The following ASAP1 variants were observed in gnomAD, a reference collection of about 807,000 sequenced individuals.
The protein encoded by ASAP1 is ArfGAP with SH3 domain, ankyrin repeat and PH domain 1, also known as arf-GAP with SH3 domain, ANK repeat and PH domain-containing protein 1.
In ASAP1, 43 loss-of-function variants were observed where a neutral mutation model predicts 145.2. That is an observed-to-expected ratio of 0.30 (90% CI 0.23 to 0.38). ASAP1 has a LOEUF of 0.38. Among genes scored for constraint, ASAP1 ranks in the 10% least tolerant of loss-of-function variants. The pLI is 1.00. For synonymous variants in ASAP1, 546 were observed against 515.5 expected (o/e 1.06, Z -0.80); for missense variants, 1,018 against 1,355.3 (o/e 0.75, Z 3.91).
At chr8:130,418,578 A>C (rs775194791) in intron 1 of ASAP1, among the ~76,000 whole-genome samples, 7 of 151,660 alleles carry the variant, frequency 4.6e-5, no homozygotes, top group Non-Finnish European at 7.4e-5. Context: ...AAATAAAATA[A>C]AGTGTACAAT....
At chr8:130,330,816 C>T (rs1267393498) in intron 3 of ASAP1, among the ~76,000 whole-genome samples, 1 of 152,156 alleles carries the variant, frequency 6.6e-6, no homozygotes, top group Non-Finnish European at 1.5e-5. Flanking sequence ...CATTCTTAAA[C>T]CTATAAAAAT....
At chr8:130,172,716 G>T (rs1474996003) in intron 9 of ASAP1, among the ~76,000 whole-genome samples, 1 of 152,012 alleles carries the variant, frequency 6.6e-6, no homozygotes, top group Non-Finnish European at 1.5e-5. Context: ...TCTAGAAAAA[G>T]AATAAGCAAA....
At chr8:130,293,130 C>G (rs539987846) in intron 3 of ASAP1, among the ~76,000 whole-genome samples, 1 of 152,320 alleles carries the variant, frequency 6.6e-6, no homozygotes, top group African/African-American at 2.4e-5. Flanking sequence ...CAGAATTGCC[C>G]TTTCTTTTCC....
In ASAP1 at chr8:130,054,543, T is replaced by C. The variant is rs928898008; in HGVS notation, c.*188A>G. ...CAGTAAGGCGCGCCGGGTCCGAGGC[T>C]ACCCTCATACTGGTGAAGGCAGAAA... On this transcript the variant is annotated 3_prime_UTR_variant, in exon 30 of 30. Transcript: ENST00000518721. 8 of 535,746 alleles carry C rather than the reference T, an allele frequency of 1.5e-5. No individual in the cohort carries two copies. Among genetic ancestry groups the C allele is most frequent in the African/African-American group, 1.1e-4 (6 of 52,464 alleles). 33.2% of individuals were successfully genotyped at this position (535,746 alleles called of 1,614,324 possible).
intron 3 of ASAP1, among the ~76,000 whole-genome samples, chr8:130,278,401 ATGAC>A (rs1249014705): frequency 6.6e-6 from 1 of 152,192 alleles, no homozygotes; most frequent in Non-Finnish European, 1.5e-5. Flanking sequence ...AAAAGAAAAT[ATGAC>A]CCTACCTAAA....
chr8:130,288,924 T>G (rs1266785036), intron 3 of ASAP1, among the ~76,000 whole-genome samples: 1 of 152,186 alleles, frequency 6.6e-6, no homozygotes, highest in Non-Finnish European at 1.5e-5. Context: ...CGGTGGCTCA[T>G]GCTTGTAATC....
At chr8:130,142,882 G>C (rs145087396) in intron 13 of ASAP1, among the ~76,000 whole-genome samples, 1 of 151,956 alleles carries the variant, frequency 6.6e-6, no homozygotes, top group South Asian at 2.1e-4. Context: ...TGGGGTGGTG[G>C]GGGGGCAGTT....
At chr8:130,054,995 C>T (rs893692723) in intron 29 of ASAP1, among the ~76,000 whole-genome samples, 190 bp from the exon 30 acceptor site, 5 of 152,216 alleles carry the variant, frequency 3.3e-5, no homozygotes, top group Middle Eastern at 3.4e-3. Context: ...AAAGAGCAAA[C>T]GACAGAACTT....
At chr8:130,131,669 A>AGCACT (rs1192108433) in intron 15 of ASAP1, among the ~76,000 whole-genome samples, 1 of 151,384 alleles carries the variant, frequency 6.6e-6, no homozygotes, top group Non-Finnish European at 1.5e-5. Flanking sequence ...GCGTGCTTAT[A>AGCACT]GCACTAGCTA....
chr8:130,056,864 G>A (rs938023733), intron 29 of ASAP1, among the ~76,000 whole-genome samples: 1 of 152,202 alleles, frequency 6.6e-6, no homozygotes, highest in African/African-American at 2.4e-5. Context: ...AGCAGAAGAG[G>A]TGGCTTATTC....
chr8:130,172,584 T>C (rs1369920020), intron 9 of ASAP1, among the ~76,000 whole-genome samples: 1 of 152,200 alleles, frequency 6.6e-6, no homozygotes, highest in East Asian at 1.9e-4. Flanking sequence ...AAAAATTCTG[T>C]TCCTGAAGAC....
intron 3 of ASAP1, among the ~76,000 whole-genome samples, chr8:130,278,708 G>A (rs1234977939): frequency 6.6e-6 from 1 of 152,196 alleles, no homozygotes; most frequent in Non-Finnish European, 1.5e-5. Flanking sequence ...TTATCCATAT[G>A]CATTAAATAT....
intron 3 of ASAP1, among the ~76,000 whole-genome samples, chr8:130,348,304 T>C (rs1052471797): frequency 1.3e-5 from 2 of 152,216 alleles, no homozygotes; most frequent in African/African-American, 2.4e-5. Context: ...CTTTCTATAA[T>C]AGTTGGTGCC....
intron 3 of ASAP1, among the ~76,000 whole-genome samples, chr8:130,248,928 T>G (rs185716897): frequency 6.6e-6 from 1 of 152,160 alleles, no homozygotes; most frequent in African/African-American, 2.4e-5. Context: ...CATTTCTTTT[T>G]TGTTGCTTTC....
At chr8:130,153,518 C>G (rs1028018762) in intron 12 of ASAP1, among the ~76,000 whole-genome samples, 1 of 151,278 alleles carries the variant, frequency 6.6e-6, no homozygotes, top group Non-Finnish European at 1.5e-5. Flanking sequence ...CACAGGCACA[C>G]CCCACCATGC....
chr8:130,075,131 G>A (rs1410905047), intron 27 of ASAP1, among the ~76,000 whole-genome samples: 1 of 152,152 alleles, frequency 6.6e-6, no homozygotes, highest in South Asian at 2.1e-4. Context: ...GACGGAATCT[G>A]GGCACACTGT....
chr8:130,100,412 C>T (rs2097526753), intron 24 of ASAP1, among the ~76,000 whole-genome samples: 1 of 152,010 alleles, frequency 6.6e-6, no homozygotes, highest in East Asian at 1.9e-4. Context: ...TCACTGCAAC[C>T]TCCGCCTCCC....
intron 26 of ASAP1, among the ~76,000 whole-genome samples, chr8:130,078,322 G>A (rs140576126): frequency 7.6e-4 from 116 of 151,832 alleles, no homozygotes; most frequent in East Asian, 7.6e-3. Flanking sequence ...TTTGAGACAG[G>A]GTCTTGCTGT....
chr8:130,186,105 T>C (rs528919742), intron 7 of ASAP1, among the ~76,000 whole-genome samples: 7 of 152,202 alleles, frequency 4.6e-5, no homozygotes, highest in South Asian at 2.1e-4. Context: ...TCATGCACTG[T>C]TGTCTCTGGG....
Sources: allele counts gnomAD v4.1 joint callset (sites outside exome capture counted in the v4.1 genomes callset), GRCh38; gene constraint gnomAD v4.1.1; transcripts MANE v1.5; gene names NCBI Gene and HGNC (gene_info 2026-07-23, HGNC 2026-07-21).